The following CYP2J2 variants were observed in gnomAD, a reference collection of about 807,000 sequenced individuals.
The protein encoded by CYP2J2 is cytochrome P450 2J2.
In CYP2J2, 41 loss-of-function variants were observed where a neutral mutation model predicts 48.8. The observed-to-expected ratio is 0.84, with a 90% CI of 0.66 to 1.09. The LOEUF is 1.09. Among genes scored for constraint, CYP2J2 ranks in the 50% least tolerant of loss-of-function variants. CYP2J2 has a pLI of 0.00. For missense variants in CYP2J2, 644 were observed against 617.3 expected, an observed-to-expected ratio of 1.04 and a Z score of -0.46; for synonymous variants, 221 against 227.1, an observed-to-expected ratio of 0.97 and a Z score of 0.24.
chr1:59,901,916 C>T (rs2102109519), intron 7 of CYP2J2, among the ~76,000 whole-genome samples: 1 of 152,252 alleles, frequency 6.6e-6, no homozygotes, highest in East Asian at 1.9e-4. Context: ...CCTCCACAGC[C>T]CCCACTGCTC....
rs2102107773 is a variant in CYP2J2 at position 59,900,856 on chromosome 1, G to GC, written c.1330+108dup. The stretch of plus-strand genomic sequence containing the variant: ...CAGCAAGATGGAGTGAGTCGCACTG[G>GC]CCAGGCTGTCTGGAGACATTCCAAT... On this transcript the variant is annotated intron_variant, in intron 8 of 8. Coordinates refer to ENST00000371204, the MANE Select transcript of CYP2J2 (RefSeq NM_000775.4). 4 of 1,305,162 alleles carry GC rather than the reference G, an allele frequency of 3.1e-6. No homozygotes were observed. The South Asian group carries it at 5.4e-5, about 18-fold the overall frequency. The allele number at this position is 1,305,162 out of a possible 1,614,324, so 80.8% of individuals were successfully genotyped here. A position where few individuals can be genotyped will look rare whatever the true frequency, so the allele number is the denominator to read the frequency against.
chr1:59,923,190 C>G (rs1644533187), intron 1 of CYP2J2, among the ~76,000 whole-genome samples: 1 of 152,224 alleles, frequency 6.6e-6, no homozygotes, highest in South Asian at 2.1e-4. Context: ...TTTTCCCCAG[C>G]TTGCACTGAT....
the CYP2J2 span, among the ~76,000 whole-genome samples, chr1:59,932,958 C>T: frequency 5.3e-5 from 8 of 152,214 alleles, no homozygotes; most frequent in African/African-American, 1.7e-4. Flanking sequence ...TCTTCACCCT[C>T]CCAAAGGATT....
the CYP2J2 span, among the ~76,000 whole-genome samples, chr1:59,934,995 T>TATATATATATATATATATAC: frequency 1.3e-3 from 63 of 47,582 alleles, no homozygotes; most frequent in Middle Eastern, 9.3e-3. Flanking sequence ...ATGGGATATA[T>TATATATATATATATATATAC]ATATATATAT....
chr1:59,961,340 A>G, the CYP2J2 span, among the ~76,000 whole-genome samples: 1 of 152,232 alleles, frequency 6.6e-6, no homozygotes, highest in African/African-American at 2.4e-5. Flanking sequence ...ATATTTTTCC[A>G]AAGATGTATG....
chr1:59,941,001 G>A, the CYP2J2 span, among the ~76,000 whole-genome samples: 1 of 152,166 alleles, frequency 6.6e-6, no homozygotes, highest in Non-Finnish European at 1.5e-5. Context: ...TGGGTAAAAG[G>A]GATGAAGGAG....
At chr1:59,928,447 G>A (rs1644586690), upstream of CYP2J2, among the ~76,000 whole-genome samples, 1 of 152,078 alleles carries the variant, frequency 6.6e-6, no homozygotes, top group Non-Finnish European at 1.5e-5. Flanking sequence ...CTTTCTCCTA[G>A]TCCCCAGATC....
At chr1:59,916,169 G>A in intron 1 of CYP2J2, 69 bp from the exon 2 acceptor site, 9 of 1,344,284 alleles carry the variant, frequency 6.7e-6, no homozygotes, top group Non-Finnish European at 9.4e-6. Flanking sequence ...GAGGATGTGT[G>A]TAGCTGGAGG....
At chr1:59,953,506 ATG>A in the CYP2J2 span, among the ~76,000 whole-genome samples, 3,980 of 150,154 alleles carry the variant, frequency 0.027, 53 homozygotes, top group Non-Finnish European at 0.034. Context: ...CAGTGTGTAT[ATG>A]TGTGTGTGTG....
At chr1:59,945,697 G>T in the CYP2J2 span, among the ~76,000 whole-genome samples, 1 of 152,054 alleles carries the variant, frequency 6.6e-6, no homozygotes, top group African/African-American at 2.4e-5. Flanking sequence ...AGCTGCTCTA[G>T]CCAATTACGA....
chr1:59,929,026 T>G (rs1644590799), upstream of CYP2J2, among the ~76,000 whole-genome samples: 1 of 152,208 alleles, frequency 6.6e-6, no homozygotes, highest in South Asian at 2.1e-4. Flanking sequence ...TTGAAAACAG[T>G]AGAGCAATCA....
chr1:59,935,373 T>C, the CYP2J2 span, among the ~76,000 whole-genome samples: 1 of 151,924 alleles, frequency 6.6e-6, no homozygotes, highest in Non-Finnish European at 1.5e-5. Context: ...TACTTGAAAT[T>C]TGGTTAAGAG....
chr1:59,955,587 A>G, the CYP2J2 span, among the ~76,000 whole-genome samples: 1 of 152,088 alleles, frequency 6.6e-6, no homozygotes, highest in Non-Finnish European at 1.5e-5. Context: ...GATACTGGGC[A>G]ACACTAAGAC....
In CYP2J2 at chr1:59,893,313, A is replaced by G. The variant is rs1485265932; in HGVS notation, c.*338T>C. The G allele has an allele frequency of 5.2e-6, 1 of 194,104 alleles. No individual in the cohort carries two copies. 12.0% of individuals were successfully genotyped at this position (194,104 alleles called of 1,614,324 possible). A position where few individuals can be genotyped will look rare whatever the true frequency, so the allele number is the denominator to read the frequency against. ...GAAGCAGGAAGGAGGCACACTATAG[A>G]TAGAACTTTTATGATGTGTTTTATG... On this transcript the variant is annotated 3_prime_UTR_variant, in exon 9 of 9. Transcript: ENST00000371204.
chr1:59,929,001 T>G (rs1232560823), upstream of CYP2J2, among the ~76,000 whole-genome samples: 3 of 152,268 alleles, frequency 2.0e-5, no homozygotes, highest in Admixed American at 6.5e-5. Flanking sequence ...AAGTAATGTA[T>G]GCCCCAAGGC....
the CYP2J2 span, among the ~76,000 whole-genome samples, chr1:59,956,019 A>G: frequency 6.6e-6 from 1 of 152,164 alleles, no homozygotes; most frequent in South Asian, 2.1e-4. Context: ...GCTATTACGC[A>G]TTTATATATA....
intron 8 of CYP2J2, among the ~76,000 whole-genome samples, chr1:59,894,396 A>C (rs1413347785): frequency 6.6e-6 from 1 of 152,090 alleles, no homozygotes; most frequent in Non-Finnish European, 1.5e-5. Context: ...CTTCTTATGC[A>C]CAGTGGCCCT....
the CYP2J2 span, among the ~76,000 whole-genome samples, chr1:59,935,017 T>TATATATATATATATATATATATATATAC: frequency 2.7e-4 from 9 of 33,170 alleles, no homozygotes; most frequent in Non-Finnish European, 4.2e-4. Context: ...TATATATACA[T>TATATATATATATATATATATATATATAC]ATATATATAT....
the CYP2J2 span, among the ~76,000 whole-genome samples, chr1:59,941,534 GA>G: frequency 2.0e-5 from 3 of 152,094 alleles, no homozygotes; most frequent in Admixed American, 1.3e-4. Context: ...TCCACTTATT[GA>G]AAAAAAGTTA....
Sources: allele counts gnomAD v4.1 joint callset (sites outside exome capture counted in the v4.1 genomes callset), GRCh38; gene constraint gnomAD v4.1.1; transcripts MANE v1.5; gene names NCBI Gene and HGNC (gene_info 2026-07-23, HGNC 2026-07-21).